The following PRKCA variants were observed in gnomAD, a reference collection of about 807,000 sequenced individuals.
PRKCA encodes the protein protein kinase C alpha.
PRKCA carries 27 observed loss-of-function variants against 87.0 expected under a neutral mutation model. That is an observed-to-expected ratio of 0.31 (90% CI 0.23 to 0.43). PRKCA has a LOEUF of 0.43. Ranked by LOEUF, PRKCA falls within the 20% of genes least tolerant of loss-of-function variation. The probability of loss-of-function intolerance (pLI) is 1.00; values close to 1 mark genes in which losing one functional copy is unlikely to be tolerated. For missense variants in PRKCA, 518 were observed against 852.3 expected (o/e 0.61, Z 4.88); for synonymous variants, 329 against 311.1 (o/e 1.06, Z -0.61).
At chr17:66,651,678 A>G (rs1247248007) in intron 5 of PRKCA, among the ~76,000 whole-genome samples, 3 of 152,218 alleles carry the variant, frequency 2.0e-5, no homozygotes, top group African/African-American at 7.2e-5. Flanking sequence ...TCAGGAACGT[A>G]GATGGTGATG....
intron 8 of PRKCA, among the ~76,000 whole-genome samples, chr17:66,716,623 A>G (rs924069142): frequency 3.3e-5 from 5 of 152,192 alleles, no homozygotes; most frequent in African/African-American, 1.2e-4. Context: ...AAGATTAGCG[A>G]TCCTAACAGA....
chr17:66,490,804 C>T (rs781316242), intron 2 of PRKCA, among the ~76,000 whole-genome samples: 1 of 152,206 alleles, frequency 6.6e-6, no homozygotes, highest in African/African-American at 2.4e-5. Context: ...TGGTTTTGAA[C>T]TCCTGACCTC....
intron 2 of PRKCA, among the ~76,000 whole-genome samples, chr17:66,369,781 C>T (rs1189750984): frequency 1.3e-5 from 2 of 152,192 alleles, no homozygotes; most frequent in African/African-American, 4.8e-5. Flanking sequence ...GGCTGCATTC[C>T]TGTCCCAGGT....
rs138185011 is a variant in PRKCA at position 66,620,458 on chromosome 17, A to T, written c.289-20897A>T. Among the ~76,000 whole-genome samples, 11 of 152,328 alleles carry T rather than the reference A, an allele frequency of 7.2e-5. No individual in the cohort carries two copies. In the East Asian group the frequency reaches 2.1e-3, roughly 29 times the overall value. On this transcript the variant is annotated intron_variant, in intron 3 of 16. Coordinates refer to ENST00000413366, the MANE Select transcript of PRKCA (RefSeq NM_002737.3). ...TGCAACTTTTCTAGAAGTGTCTAGG[A>T]GACTTGTGTTGAGATCTGACTGGCC...
chr17:66,761,935 G>A (rs902531920), intron 13 of PRKCA, among the ~76,000 whole-genome samples: 1 of 152,070 alleles, frequency 6.6e-6, no homozygotes, highest in African/African-American at 2.4e-5. Flanking sequence ...AGTGAGCAAA[G>A]GAGAGGGCCA....
At chr17:66,523,568 G>C (rs1435498609) in intron 3 of PRKCA, among the ~76,000 whole-genome samples, 1 of 152,298 alleles carries the variant, frequency 6.6e-6, no homozygotes, top group East Asian at 1.9e-4. Context: ...ATTAGCTTAT[G>C]TTTAACCAAA....
chr17:66,363,618 TA>T (rs1418268497), intron 2 of PRKCA, among the ~76,000 whole-genome samples: 1 of 152,236 alleles, frequency 6.6e-6, no homozygotes, highest in Non-Finnish European at 1.5e-5. Flanking sequence ...CGCAGACAAT[TA>T]AGGGGCATCT....
At chr17:66,778,160 C>T in intron 14 of PRKCA, 1 of 985,310 alleles carries the variant, frequency 1.0e-6, no homozygotes, top group Non-Finnish European at 1.2e-6. Context: ...TCCCACACTG[C>T]TTCTCAGAGC....
At chr17:66,315,414 G>A (rs1905263598) in intron 2 of PRKCA, among the ~76,000 whole-genome samples, 2 of 152,030 alleles carry the variant, frequency 1.3e-5, no homozygotes. Flanking sequence ...TTTTCTTGAA[G>A]TTTTGTCACA....
chr17:66,318,078 T>C (rs1038379561), intron 2 of PRKCA, among the ~76,000 whole-genome samples: 1 of 152,232 alleles, frequency 6.6e-6, no homozygotes. Flanking sequence ...TTATGAGTAA[T>C]TTGCCTAACA....
intron 2 of PRKCA, among the ~76,000 whole-genome samples, chr17:66,360,540 C>A (rs1875561249): frequency 6.6e-6 from 1 of 152,120 alleles, no homozygotes; most frequent in African/African-American, 2.4e-5. Context: ...TTGGAAGAAA[C>A]CCTAAGGTGG....
intron 3 of PRKCA, among the ~76,000 whole-genome samples, chr17:66,520,224 A>G (rs1274078634): frequency 6.6e-6 from 1 of 151,180 alleles, no homozygotes; most frequent in Non-Finnish European, 1.5e-5. Context: ...GGGTTCAAGC[A>G]ATTCTCCTGC....
chr17:66,736,403 G>C (rs1974027989), intron 10 of PRKCA, among the ~76,000 whole-genome samples: 1 of 151,602 alleles, frequency 6.6e-6, no homozygotes, highest in Non-Finnish European at 1.5e-5. Context: ...TCAGCCTCTC[G>C]AGTAGCTGGG....
At chr17:66,523,038 G>A (rs923191223) in intron 3 of PRKCA, among the ~76,000 whole-genome samples, 4 of 152,106 alleles carry the variant, frequency 2.6e-5, no homozygotes, top group South Asian at 2.1e-4. Context: ...GGAGGATTTG[G>A]ATGGGAAGGA....
chr17:66,798,386 G>GTGGTGGTGGTGGTGGTGA (rs1975721813), intron 16 of PRKCA, among the ~76,000 whole-genome samples: 8 of 102,830 alleles, frequency 7.8e-5, no homozygotes, highest in Admixed American at 3.8e-4. Flanking sequence ...GGCGGTGGTG[G>GTGGTGGTGGTGGTGGTGA]TGGTGGTGGT....
chr17:66,743,669 A>G (rs1396135505), intron 13 of PRKCA, among the ~76,000 whole-genome samples: 2 of 152,198 alleles, frequency 1.3e-5, no homozygotes, highest in Admixed American at 1.3e-4. Context: ...ACACAGTCCT[A>G]TGGATGCCAC....
chr17:66,521,620 G>T (rs564439346), intron 3 of PRKCA, among the ~76,000 whole-genome samples: 2 of 152,288 alleles, frequency 1.3e-5, no homozygotes, highest in Admixed American at 6.5e-5. Flanking sequence ...ATGCAGTGAT[G>T]AATCAAGTCA....
intron 5 of PRKCA, among the ~76,000 whole-genome samples, chr17:66,650,975 T>A (rs1312205077): frequency 6.6e-6 from 1 of 152,108 alleles, no homozygotes; most frequent in Non-Finnish European, 1.5e-5. Flanking sequence ...GACTGTGTGG[T>A]CTTTGGGGGA....
intron 2 of PRKCA, among the ~76,000 whole-genome samples, chr17:66,388,677 T>C (rs1375841077): frequency 6.6e-6 from 1 of 152,180 alleles, no homozygotes; most frequent in Admixed American, 6.5e-5. Context: ...GTATACATGA[T>C]GTACTTACCA....
Sources: gnomAD v4.1 joint callset for allele counts (sites outside exome capture counted in the v4.1 genomes callset) on GRCh38, gnomAD v4.1.1 for gene constraint, MANE v1.5 for transcripts, NCBI Gene and HGNC (gene_info 2026-07-23, HGNC 2026-07-21) for gene names.